Variants in KIAA1549 observed in about 807,000 individuals in gnomAD.
The protein encoded by KIAA1549 is UPF0606 protein KIAA1549.
In KIAA1549, 70 loss-of-function variants were observed where a neutral mutation model predicts 156.4. That is an observed-to-expected ratio of 0.45 (90% CI 0.37 to 0.55). The LOEUF (loss-of-function observed/expected upper bound fraction) is 0.55. Among genes scored for constraint, KIAA1549 ranks in the 20% least tolerant of loss-of-function variants. The pLI, the probability that KIAA1549 is intolerant of heterozygous loss-of-function variation, is 0.00. For synonymous variants in KIAA1549, 1,103 were observed against 1,066.4 expected, an observed-to-expected ratio of 1.03 and a Z score of -0.67; for missense variants, 2,428 against 2,540.9, an observed-to-expected ratio of 0.96 and a Z score of 0.96.
chr7:138,978,490 T>TA lies in KIAA1549; in HGVS notation c.187+2592dup, dbSNP rs202133608. Among the ~76,000 whole-genome samples, 919 of 145,348 alleles carry TA rather than the reference T, an allele frequency of 6.3e-3. 5 individuals carry two copies. The highest frequency in any genetic ancestry group is 0.021 in the Middle Eastern group (6 of 290). ...AGACCAAACTTGTAAATTTTTTTTT[T>TA]AAAAAAACACACTCAAAATGCTGAA... On this transcript the variant is annotated intron_variant, in intron 1 of 19. Coordinates refer to ENST00000422774, the MANE Select transcript of KIAA1549 (RefSeq NM_001164665.2).
intron 10 of KIAA1549, among the ~76,000 whole-genome samples, chr7:138,885,853 CAGA>C (rs907441046): frequency 1.8e-4 from 27 of 152,204 alleles, no homozygotes; most frequent in Non-Finnish European, 3.2e-4. Flanking sequence ...GCCAGTCGGT[CAGA>C]AGTTCTGGAG....
chr7:138,843,364 C>G (rs1261109617), intron 18 of KIAA1549, among the ~76,000 whole-genome samples: 1 of 152,062 alleles, frequency 6.6e-6, no homozygotes, highest in African/African-American at 2.4e-5. Context: ...TCAGGTTGGC[C>G]CACTTAATTT....
Position 138,832,962 on chromosome 7 carries a change from T to C in KIAA1549, c.*4944A>G, listed in dbSNP as rs968125375. The C allele has an allele frequency of 4.3e-6, 1 of 231,186 alleles. No homozygotes were observed. The highest frequency in any genetic ancestry group is 6.1e-5 in the East Asian group (1 of 16,316). 14.3% of individuals were successfully genotyped at this position (231,186 alleles called of 1,614,324 possible). The stretch of plus-strand genomic sequence containing the variant: ...CAGCAGCTGCTCATAGAAACCCTGT[T>C]AGAACGTGTTAACATGTTAGATTAA... On this transcript the variant is annotated 3_prime_UTR_variant, in exon 20 of 20. Coordinates refer to ENST00000422774, the MANE Select transcript of KIAA1549 (RefSeq NM_001164665.2).
At chr7:138,906,823 A>T (rs1812017456) in intron 6 of KIAA1549, 96 bp downstream of exon 6, 9 of 923,826 alleles carry the variant, frequency 9.7e-6, no homozygotes, top group Non-Finnish European at 1.4e-5. Flanking sequence ...TTAAAAAATC[A>T]AGTCTTTTAA....
intron 1 of KIAA1549, among the ~76,000 whole-genome samples, chr7:138,956,435 G>T (rs1479378557): frequency 6.6e-6 from 1 of 152,194 alleles, no homozygotes; most frequent in Non-Finnish European, 1.5e-5. Flanking sequence ...ATCTCATCTT[G>T]AATTGTAGCT....
chr7:138,856,848 G>A (rs1474717505), intron 16 of KIAA1549, among the ~76,000 whole-genome samples: 1 of 152,194 alleles, frequency 6.6e-6, no homozygotes, highest in African/African-American at 2.4e-5. Flanking sequence ...GTCTGTGAGG[G>A]TGTTTCCAGA....
At chr7:138,865,866 C>T (rs1219333129) in intron 15 of KIAA1549, among the ~76,000 whole-genome samples, 1 of 152,134 alleles carries the variant, frequency 6.6e-6, no homozygotes, top group Non-Finnish European at 1.5e-5. Context: ...GAGGGTTCCC[C>T]ACAAATTCCT....
At chr7:138,848,516 C>T (rs1004915303) in intron 17 of KIAA1549, among the ~76,000 whole-genome samples, 6 of 152,082 alleles carry the variant, frequency 3.9e-5, no homozygotes, top group African/African-American at 1.4e-4. Context: ...GAAAGAAATC[C>T]AATGTGGTTG....
At chr7:138,838,923 G>A (rs903932897) in intron 19 of KIAA1549, among the ~76,000 whole-genome samples, 1 of 152,046 alleles carries the variant, frequency 6.6e-6, no homozygotes, top group African/African-American at 2.4e-5. Context: ...CCAATCCTTT[G>A]GGAGGCCAAG....
intron 10 of KIAA1549, among the ~76,000 whole-genome samples, chr7:138,885,027 C>G (rs1563062917): frequency 6.6e-6 from 1 of 152,204 alleles, no homozygotes; most frequent in Non-Finnish European, 1.5e-5. Flanking sequence ...GAAACCTCAT[C>G]TCTACTAAAA....
Position 138,831,967 on chromosome 7 carries a change from C to G in KIAA1549, c.*5939G>C, listed in dbSNP as rs1237426796. On this transcript the variant is annotated 3_prime_UTR_variant, in exon 20 of 20. Coordinates refer to ENST00000422774, the MANE Select transcript of KIAA1549 (RefSeq NM_001164665.2). ...TCCTCTAGTATCTCCCTCTTCTTTC[C>G]CCACATTTGCAGGAGGAACAGTACA... 1 of 232,554 alleles carries G rather than the reference C, an allele frequency of 4.3e-6. No homozygotes were observed. The highest frequency in any genetic ancestry group is 6.0e-5 in the East Asian group (1 of 16,538). 14.4% of individuals were successfully genotyped at this position (232,554 alleles called of 1,614,324 possible). A position where few individuals can be genotyped will look rare whatever the true frequency, so the allele number is the denominator to read the frequency against.
At position 138,913,036 on chromosome 7, in the gene KIAA1549, G is replaced by A. The variant is rs57985572; in HGVS notation, c.2879-576C>T. 6.2e-3 allele frequency among the ~76,000 whole-genome samples: 944 copies of A among 152,156 alleles called. 10 individuals carry two copies. The highest frequency in any genetic ancestry group is 0.021 in the African/African-American group (880 of 41,514). Reference sequence around the variant, plus strand: ...ACTACAGGTGCCTGCCACCACGCCCGGCTAATTTTTTGTACTTTTAGTAGA... The same window carrying A: ...ACTACAGGTGCCTGCCACCACGCCCAGCTAATTTTTTGTACTTTTAGTAGA... On this transcript the variant is annotated intron_variant, in intron 2 of 19. Transcript: ENST00000422774.
Position 138,918,299 on chromosome 7 carries a change from C to T in KIAA1549, c.1327G>A (p.Gly443Arg). The change falls in exon 2 of 20, where the codon GGA becomes AGA. Residue 443 changes from glycine to arginine, a missense_variant. This residue lies in a region of KIAA1549 where 893 missense variants were observed against 847.9 expected (regional missense o/e 1.05). Coordinates refer to ENST00000422774, the MANE Select transcript of KIAA1549 (RefSeq NM_001164665.2). The surrounding 1 kb of genome is among the most constrained non-coding windows in gnomAD (Gnocchi z 4.2). ...LATSLMEKDV[G>R]SGDGAETLCM... ...AGAGTCTCGGCACCATCCCCTGATCCCACGTCTTTCTCCATGAGGCTCGTG... is the reference window on the plus strand; with the variant it reads ...AGAGTCTCGGCACCATCCCCTGATCTCACGTCTTTCTCCATGAGGCTCGTG... The T allele has an allele frequency of 1.9e-6, 3 of 1,613,982 alleles. No homozygotes were observed. Among genetic ancestry groups the T allele is most frequent in the Non-Finnish European group, 2.5e-6 (3 of 1,179,892 alleles).
intron 1 of KIAA1549, among the ~76,000 whole-genome samples, chr7:138,935,026 C>T (rs1412197415): frequency 3.3e-5 from 5 of 152,180 alleles, no homozygotes; most frequent in Non-Finnish European, 7.4e-5. Context: ...CAGTGCCCCC[C>T]GGAGAAATCC....
At chr7:138,970,257 A>G (rs1814180409) in intron 1 of KIAA1549, among the ~76,000 whole-genome samples, 1 of 152,008 alleles carries the variant, frequency 6.6e-6, no homozygotes, top group Admixed American at 6.6e-5. Context: ...TGCTTCAACT[A>G]TCTCCAAGTG....
chr7:138,944,965 T>C (rs1374186583), intron 1 of KIAA1549, among the ~76,000 whole-genome samples: 2 of 152,260 alleles, frequency 1.3e-5, no homozygotes, highest in Non-Finnish European at 2.9e-5. Flanking sequence ...GTACTTACTG[T>C]CACTGAATTG....
At chr7:138,973,602 T>G (rs1814285593) in intron 1 of KIAA1549, among the ~76,000 whole-genome samples, 1 of 152,224 alleles carries the variant, frequency 6.6e-6, no homozygotes. Context: ...CCCTCACTAG[T>G]GTCTTCCATA....
intron 14 of KIAA1549, 70 bp from the exon 15 acceptor site, chr7:138,868,198 C>A: frequency 6.8e-7 from 1 of 1,460,478 alleles, no homozygotes; most frequent in Non-Finnish European, 9.3e-7. Flanking sequence ...CAACTAAACA[C>A]TAAGTACCCT....
At chr7:138,960,855 A>C (rs1813824572) in intron 1 of KIAA1549, among the ~76,000 whole-genome samples, 1 of 152,270 alleles carries the variant, frequency 6.6e-6, no homozygotes, top group Admixed American at 6.5e-5. Flanking sequence ...CAAAGAGATC[A>C]AACTATTATG....
Sources: gnomAD v4.1 joint callset for allele counts (sites outside exome capture counted in the v4.1 genomes callset) on GRCh38, gnomAD v4.1.1 for gene constraint, gnomAD v4.1.1 regional missense constraint, Gnocchi (gnomAD v3.1) non-coding constraint, MANE v1.5 for transcripts, NCBI Gene and HGNC (gene_info 2026-07-23, HGNC 2026-07-21) for gene names.